DYNC2I1: variants seen among roughly 807,000 people sequenced by gnomAD.
The protein encoded by DYNC2I1 is cytoplasmic dynein 2 intermediate chain 1.
Under a neutral mutation model 133.4 loss-of-function variants are expected in DYNC2I1, and 89 were observed. The ratio of observed to expected loss-of-function variants is 0.67; its 90% CI spans 0.56 to 0.80. DYNC2I1 has a LOEUF of 0.80. DYNC2I1 is among the 30% of genes least tolerant of loss of function. DYNC2I1 has a pLI of 0.00. For synonymous variants in DYNC2I1, 504 were observed against 484.3 expected (o/e 1.04, Z -0.54); for missense variants, 1,291 against 1,314.5 (o/e 0.98, Z 0.28).
At chr7:158,905,875 G>A (rs1846751290) in intron 10 of DYNC2I1, 114 bp from the exon 11 acceptor site, 2 of 699,518 alleles carry the variant, frequency 2.9e-6, no homozygotes, top group Non-Finnish European at 4.8e-6. Context: ...ATTAGTTGAA[G>A]GGTTTATTGA....
upstream of DYNC2I1, among the ~76,000 whole-genome samples, chr7:158,856,056 C>G (rs1841207892): frequency 6.6e-6 from 1 of 151,192 alleles, no homozygotes; most frequent in African/African-American, 2.4e-5. Context: ...ATCCTTCTGC[C>G]TCAGCCTCCC....
chr7:158,869,592 CTTG>C (rs953818178), intron 1 of DYNC2I1: 138 of 512,672 alleles, frequency 2.7e-4, no homozygotes, highest in Admixed American at 2.1e-3. Context: ...GCTGTTATAA[CTTG>C]TTTTCACTTT....
At chr7:158,857,937 G>A (rs550997469) in intron 1 of DYNC2I1, among the ~76,000 whole-genome samples, 5 of 151,844 alleles carry the variant, frequency 3.3e-5, no homozygotes, top group African/African-American at 1.2e-4. Flanking sequence ...ATTACAGGCA[G>A]GTGCCACTAT....
chr7:158,921,036 G>T (rs997891829), intron 15 of DYNC2I1, among the ~76,000 whole-genome samples: 3 of 152,234 alleles, frequency 2.0e-5, no homozygotes, highest in African/African-American at 7.2e-5. Flanking sequence ...CTGCAGTTCA[G>T]CAGTGAGTAG....
Position 158,907,669 on chromosome 7 carries a change from G to A in DYNC2I1, c.1460+1578G>A, listed in dbSNP as rs117538909. Among the ~76,000 whole-genome samples, 79 of 152,226 alleles carry A rather than the reference G, an allele frequency of 5.2e-4. No homozygotes were observed. In the East Asian group the frequency reaches 0.015, roughly 28 times the overall value. ...CTGGCACCCAGGCTGGAATGCAGTG[G>A]CATGATCTTGGTTTGCTGCAGCCCT... On this transcript the variant is annotated intron_variant, in intron 11 of 24. Coordinates refer to ENST00000407559, the MANE Select transcript of DYNC2I1 (RefSeq NM_018051.5).
chr7:158,839,457 G>T, the DYNC2I1 span, among the ~76,000 whole-genome samples: 1 of 150,716 alleles, frequency 6.6e-6, no homozygotes, highest in East Asian at 2.0e-4. Flanking sequence ...ATGTGACTCC[G>T]TAACACCTGA....
chr7:158,873,482 T>TA (rs1293380307), intron 3 of DYNC2I1, among the ~76,000 whole-genome samples: 3 of 152,222 alleles, frequency 2.0e-5, no homozygotes, highest in Non-Finnish European at 4.4e-5. Context: ...ATAAGGCTGC[T>TA]AAGAATGTTA....
chr7:158,879,673 G>A lies in DYNC2I1; in HGVS notation c.574-11G>A, dbSNP rs775978095. ...GTGCTCCTGTGTTTCTCAGCTTGTC[G>A]TGTTTTACAGCTGCAGTACGGAGAC... is the stretch of plus-strand genomic sequence containing the variant. On this transcript the variant is annotated splice_polypyrimidine_tract_variant and intron_variant, in intron 4 of 24. Coordinates refer to ENST00000407559, the MANE Select transcript of DYNC2I1 (RefSeq NM_018051.5). 7 of 1,557,668 alleles carry A rather than the reference G, an allele frequency of 4.5e-6. No individual in the cohort carries two copies. Among genetic ancestry groups the A allele is most frequent in the Middle Eastern group, 3.5e-4 (2 of 5,744 alleles).
intron 5 of DYNC2I1, among the ~76,000 whole-genome samples, chr7:158,881,820 C>T (rs557352385): frequency 6.1e-4 from 93 of 152,232 alleles, no homozygotes; most frequent in African/African-American, 1.8e-3. Flanking sequence ...CGTTGTGTTA[C>T]GAACATTTTC....
intron 7 of DYNC2I1, among the ~76,000 whole-genome samples, chr7:158,890,025 A>T (rs1201100848): frequency 6.6e-6 from 1 of 150,866 alleles, no homozygotes; most frequent in Non-Finnish European, 1.5e-5. Flanking sequence ...AAAAAAAAAA[A>T]AAAATAGAGG....
the DYNC2I1 span, among the ~76,000 whole-genome samples, chr7:158,846,434 G>A: frequency 6.6e-6 from 1 of 152,058 alleles, no homozygotes; most frequent in African/African-American, 2.4e-5. Flanking sequence ...GGTTGTTCAA[G>A]AAAGAGGGAT....
chr7:158,859,956 T>C (rs1205271401), intron 1 of DYNC2I1, among the ~76,000 whole-genome samples: 1 of 152,300 alleles, frequency 6.6e-6, no homozygotes, highest in Middle Eastern at 3.4e-3. Flanking sequence ...GGCTGTGATA[T>C]AGAATTAATT....
intron 8 of DYNC2I1, among the ~76,000 whole-genome samples, chr7:158,893,684 T>C (rs898704498): frequency 6.8e-5 from 10 of 146,686 alleles, no homozygotes; most frequent in Non-Finnish European, 1.4e-4. Context: ...CCATATATCA[T>C]AGTGCATATC....
intron 8 of DYNC2I1, among the ~76,000 whole-genome samples, chr7:158,893,970 C>T (rs1383275531): frequency 2.6e-5 from 4 of 152,072 alleles, no homozygotes; most frequent in Non-Finnish European, 5.9e-5. Context: ...TATCATACTG[C>T]ATATTGTAAT....
intron 3 of DYNC2I1, among the ~76,000 whole-genome samples, chr7:158,872,647 T>G (rs1842987140): frequency 6.7e-6 from 1 of 149,970 alleles, no homozygotes; most frequent in Admixed American, 6.6e-5. Context: ...AAAAAACCAT[T>G]CAGCCAATGA....
At chr7:158,923,544 T>A in intron 16 of DYNC2I1, 27 bp from the exon 17 acceptor site, 1 of 1,614,064 alleles carries the variant, frequency 6.2e-7, no homozygotes, top group East Asian at 2.2e-5. Flanking sequence ...TCTTCTGTCA[T>A]TGGCTTTCTG....
upstream of DYNC2I1, among the ~76,000 whole-genome samples, chr7:158,856,152 T>C (rs1841213213): frequency 6.6e-6 from 1 of 151,978 alleles, no homozygotes; most frequent in Admixed American, 6.6e-5. Flanking sequence ...TTCACCGTGT[T>C]AGCCAGGATG....
intron 9 of DYNC2I1, 119 bp from the exon 10 acceptor site, chr7:158,902,257 T>C (rs1454315954): frequency 2.3e-5 from 18 of 797,476 alleles, no homozygotes; most frequent in Non-Finnish European, 3.4e-5. Context: ...ATATCTTTCT[T>C]AGCTGTAATA....
At chr7:158,840,011 T>C in the DYNC2I1 span, among the ~76,000 whole-genome samples, 1 of 152,116 alleles carries the variant, frequency 6.6e-6, no homozygotes, top group Non-Finnish European at 1.5e-5. Flanking sequence ...ATATTGGTCT[T>C]ACTGTGTCGT....
Sources: gnomAD v4.1 joint callset for allele counts (sites outside exome capture counted in the v4.1 genomes callset) on GRCh38, gnomAD v4.1.1 for gene constraint, MANE v1.5 for transcripts, NCBI Gene and HGNC (gene_info 2026-07-23, HGNC 2026-07-21) for gene names.